MLLT3: variants seen among roughly 807,000 people sequenced by gnomAD.
MLLT3 encodes MLLT3 super elongation complex subunit.
A neutral mutation model predicts 53.2 loss-of-function variants in MLLT3; 4 were observed. The ratio of observed to expected loss-of-function variants is 0.08; its 90% CI spans 0.04 to 0.17. The LOEUF is 0.17. Ranked by LOEUF, MLLT3 falls within the 10% of genes least tolerant of loss-of-function variation. MLLT3 has a pLI of 1.00. For synonymous variants in MLLT3, 283 were observed against 230.6 expected (o/e 1.23, Z -2.06); for missense variants, 569 against 684.0 (o/e 0.83, Z 1.87).
intron 5 of MLLT3, among the ~76,000 whole-genome samples, chr9:20,412,868 C>T (rs1822764229): frequency 1.3e-5 from 2 of 152,194 alleles, no homozygotes; most frequent in African/African-American, 4.8e-5. Context: ...AACCCTGTCA[C>T]TAGAAGTGTA....
At chr9:20,564,573 G>A (rs1049464266) in intron 2 of MLLT3, among the ~76,000 whole-genome samples, 1 of 152,162 alleles carries the variant, frequency 6.6e-6, no homozygotes, top group African/African-American at 2.4e-5. Context: ...AAGCTGCAAA[G>A]CTAGCTATAG....
At chr9:20,494,513 G>T (rs4571814) in intron 2 of MLLT3, among the ~76,000 whole-genome samples, 106,504 of 152,038 alleles carry the variant, frequency 0.7, 37,679 homozygotes, top group East Asian at 0.82. Context: ...TAACCTCAAA[G>T]TCATACTGCA....
rs569756184 is a variant in MLLT3, at chr9:20,620,133, A to T, written c.193+521T>A. ...TATGGCAACTGGCACCTGGTGCCTCATACACAGACAGGAAAGCACAGAAGA... is the reference window on the plus strand; with the variant it reads ...TATGGCAACTGGCACCTGGTGCCTCTTACACAGACAGGAAAGCACAGAAGA... On this transcript the variant is annotated intron_variant, in intron 2 of 10. Transcript: ENST00000380338. The surrounding 1 kb of genome is among the most constrained non-coding windows in gnomAD (Gnocchi z 6.1). Among the ~76,000 whole-genome samples, 21 of 152,218 alleles carry T rather than the reference A, an allele frequency of 1.4e-4. 1 individual carries two copies. In the East Asian group the frequency reaches 4.1e-3, roughly 29 times the overall value.
At chr9:20,508,372 A>T (rs371751178) in intron 2 of MLLT3, among the ~76,000 whole-genome samples, 1 of 152,196 alleles carries the variant, frequency 6.6e-6, no homozygotes, top group East Asian at 1.9e-4. Context: ...ATCCACTAAA[A>T]GGAGAATGAA....
intron 2 of MLLT3, among the ~76,000 whole-genome samples, chr9:20,559,179 T>C (rs890667115): frequency 2.6e-5 from 4 of 152,242 alleles, no homozygotes; most frequent in East Asian, 3.8e-4. Context: ...AAAGTAAAGT[T>C]ATACTTTATA....
chr9:20,451,002 T>C (rs888725311), intron 3 of MLLT3, among the ~76,000 whole-genome samples: 4 of 152,184 alleles, frequency 2.6e-5, no homozygotes, highest in African/African-American at 9.7e-5. Context: ...TATTCAGATA[T>C]AAGTACAAAA....
intron 8 of MLLT3, among the ~76,000 whole-genome samples, chr9:20,360,017 G>T (rs1285740486): frequency 6.6e-6 from 1 of 152,208 alleles, no homozygotes; most frequent in Non-Finnish European, 1.5e-5. Flanking sequence ...TCAAAGTTCT[G>T]CCTAGATCTT....
intron 2 of MLLT3, among the ~76,000 whole-genome samples, chr9:20,566,053 T>A (rs988162900): frequency 2.8e-5 from 3 of 106,188 alleles, no homozygotes; most frequent in Non-Finnish European, 5.7e-5. Context: ...TATATATATA[T>A]TTATATATAT....
Position 20,343,183 on chromosome 9 carries a change from C to CAAAAAAAAAAAAAAA in MLLT3, c.*3245_*3259dup, listed in dbSNP as rs71334526. Reference sequence around the variant, plus strand: ...TAGGTGGGCCTGTAAAAGATATCGGCAAAAAAAAAAAAAAAAAAAAAAAAA... The same window carrying CAAAAAAAAAAAAAAA: ...TAGGTGGGCCTGTAAAAGATATCGGCAAAAAAAAAAAAAAAAAAAAAAAAAAAAAAAAAAAAAAAA... On this transcript the variant is annotated 3_prime_UTR_variant, in exon 11 of 11. Coordinates refer to ENST00000380338, the MANE Select transcript of MLLT3 (RefSeq NM_004529.4). 3 of 40,126 alleles carry CAAAAAAAAAAAAAAA rather than the reference C, an allele frequency of 7.5e-5. No individual in the cohort carries two copies. The highest frequency in any genetic ancestry group is 3.8e-4 in the African/African-American group (3 of 7,820). The allele number at this position is 40,126 out of a possible 1,614,324, so 2.5% of individuals were successfully genotyped here.
intron 5 of MLLT3, among the ~76,000 whole-genome samples, chr9:20,404,624 C>A (rs142667375): frequency 6.6e-6 from 1 of 152,274 alleles, no homozygotes; most frequent in African/African-American, 2.4e-5. Flanking sequence ...TCTGCCTCAG[C>A]GTCTCAAGTG....
At chr9:20,464,372 A>G (rs951403772) in intron 2 of MLLT3, among the ~76,000 whole-genome samples, 1 of 152,056 alleles carries the variant, frequency 6.6e-6, no homozygotes, top group African/African-American at 2.4e-5. Flanking sequence ...TACAAGTTCT[A>G]TTCTAGGGAC....
chr9:20,466,303 A>G (rs2118879408), intron 2 of MLLT3, among the ~76,000 whole-genome samples: 1 of 152,304 alleles, frequency 6.6e-6, no homozygotes, highest in East Asian at 1.9e-4. Flanking sequence ...TTTTTGAGCC[A>G]TTTTGGATTT....
intron 2 of MLLT3, among the ~76,000 whole-genome samples, chr9:20,476,823 A>T (rs1824533207): frequency 6.6e-6 from 1 of 152,158 alleles, no homozygotes; most frequent in African/African-American, 2.4e-5. Flanking sequence ...GTTAAGAATG[A>T]TTACAATCTA....
At chr9:20,520,690 A>G (rs949927218) in intron 2 of MLLT3, among the ~76,000 whole-genome samples, 3 of 152,246 alleles carry the variant, frequency 2.0e-5, no homozygotes, top group African/African-American at 7.2e-5. Flanking sequence ...AGACAGAGAG[A>G]TGGTTGAACT....
chr9:20,451,613 A>G (rs1823840714), intron 3 of MLLT3, among the ~76,000 whole-genome samples: 1 of 152,214 alleles, frequency 6.6e-6, no homozygotes, highest in Admixed American at 6.5e-5. Flanking sequence ...AGACATCGAC[A>G]TTATGTCAGT....
intron 3 of MLLT3, among the ~76,000 whole-genome samples, chr9:20,455,713 G>C (rs1388822972): frequency 2.6e-5 from 4 of 152,178 alleles, no homozygotes; most frequent in Middle Eastern, 6.8e-3. Context: ...TAAGGAATAT[G>C]ATATAATAAT....
intron 8 of MLLT3, among the ~76,000 whole-genome samples, chr9:20,358,083 T>C (rs1821217194): frequency 6.6e-6 from 1 of 152,046 alleles, no homozygotes; most frequent in African/African-American, 2.4e-5. Flanking sequence ...AAGAAATTTT[T>C]ACTCTCTTAT....
chr9:20,413,041 A>G (rs979838088), intron 5 of MLLT3, among the ~76,000 whole-genome samples: 24 of 152,190 alleles, frequency 1.6e-4, no homozygotes, highest in African/African-American at 5.3e-4. Flanking sequence ...ACCCATTAGC[A>G]AAAACTTGTA....
At position 20,343,098 on chromosome 9, in the gene MLLT3, G is replaced by A. The variant is rs1020518805; in HGVS notation, c.*3345C>T. On this transcript the variant is annotated 3_prime_UTR_variant, in exon 11 of 11. Transcript: ENST00000380338. ...TATATTAACTACATTTGTGGAGCTTGAAGTAGTAAATAGGATGTTATACAG... is the reference window on the plus strand; with the variant it reads ...TATATTAACTACATTTGTGGAGCTTAAAGTAGTAAATAGGATGTTATACAG... 1.3e-5 allele frequency: 2 copies of A among 157,080 alleles called. No individual in the cohort carries two copies. The highest frequency in any genetic ancestry group is 2.6e-5 in the Non-Finnish European group (2 of 77,586). The allele number at this position is 157,080 out of a possible 1,614,324, so 9.7% of individuals were successfully genotyped here.
Sources: allele counts gnomAD v4.1 joint callset (sites outside exome capture counted in the v4.1 genomes callset), GRCh38; gene constraint gnomAD v4.1.1; non-coding constraint Gnocchi (gnomAD v3.1); transcripts MANE v1.5; gene names NCBI Gene and HGNC (gene_info 2026-07-23, HGNC 2026-07-21).